PRIM2: variants seen among roughly 807,000 people sequenced by gnomAD.
PRIM2 encodes the protein DNA primase large subunit.
In PRIM2, 39 loss-of-function variants were observed where a neutral mutation model predicts 67.3. That is an observed-to-expected ratio of 0.58 (90% CI 0.45 to 0.76). The LOEUF is 0.76. PRIM2 is among the 30% of genes least tolerant of loss of function. The pLI is 0.00. For missense variants in PRIM2, 398 were observed against 598.7 expected (o/e 0.66, Z 3.50); for synonymous variants, 143 against 198.7 (o/e 0.72, Z 2.36).
chr6:57,263,344 G>T, the PRIM2 span, among the ~76,000 whole-genome samples: 1 of 152,166 alleles, frequency 6.6e-6, no homozygotes, highest in Non-Finnish European at 1.5e-5. Flanking sequence ...CATTGATAGA[G>T]CCATCCTCTC....
intron 10 of PRIM2, among the ~76,000 whole-genome samples, chr6:57,543,226 A>T (rs1775213300): frequency 2.6e-5 from 4 of 152,076 alleles, no homozygotes; most frequent in Admixed American, 2.6e-4. Flanking sequence ...GGCGTGAGCC[A>T]CCGCGCCCGG....
intron 7 of PRIM2, among the ~76,000 whole-genome samples, chr6:57,401,425 A>C (rs551923843): frequency 6.6e-6 from 1 of 152,244 alleles, no homozygotes; most frequent in East Asian, 1.9e-4. Flanking sequence ...GTGATGCGGT[A>C]GGTGACATTT....
At chr6:57,237,652 G>C in the PRIM2 span, among the ~76,000 whole-genome samples, 1 of 152,054 alleles carries the variant, frequency 6.6e-6, no homozygotes, top group Non-Finnish European at 1.5e-5. Flanking sequence ...AGTTTTCCCA[G>C]CACCATTTAT....
intron 7 of PRIM2, among the ~76,000 whole-genome samples, chr6:57,454,474 T>G (rs1485190960): frequency 2.6e-5 from 4 of 152,214 alleles, no homozygotes; most frequent in African/African-American, 4.8e-5. Context: ...GAGCCTGTTA[T>G]TGGTCTATTC....
intron 10 of PRIM2, among the ~76,000 whole-genome samples, chr6:57,574,175 A>G (rs1354581135): frequency 6.6e-6 from 1 of 152,198 alleles, no homozygotes; most frequent in African/African-American, 2.4e-5. Context: ...TAAGGTGCCA[A>G]TCCAGCTTGT....
intron 13 of PRIM2, among the ~76,000 whole-genome samples, chr6:57,642,432 T>C (rs1777255427): frequency 8.3e-6 from 1 of 120,864 alleles, no homozygotes; most frequent in Admixed American, 9.5e-5. Context: ...TTAAATATTA[T>C]ATCTTTTTTT....
intron 10 of PRIM2, among the ~76,000 whole-genome samples, chr6:57,583,181 AATTATT>A (rs1297699243): frequency 1.5e-5 from 2 of 130,688 alleles, no homozygotes; most frequent in African/African-American, 5.7e-5. Context: ...TTTTTTTTTA[AATTATT>A]ATTATTATAC....
At chr6:57,545,292 C>T (rs1468787964) in intron 10 of PRIM2, among the ~76,000 whole-genome samples, 1 of 151,946 alleles carries the variant, frequency 6.6e-6, no homozygotes, top group Non-Finnish European at 1.5e-5. Context: ...TAGATACATA[C>T]ATATGTACAT....
intron 8 of PRIM2, among the ~76,000 whole-genome samples, chr6:57,523,553 T>C (rs1774674928): frequency 6.6e-6 from 1 of 152,208 alleles, no homozygotes; most frequent in Admixed American, 6.5e-5. Flanking sequence ...AGAAAATGAC[T>C]GGAGTTGTAA....
upstream of PRIM2, among the ~76,000 whole-genome samples, chr6:57,316,435 G>T (rs113052194): frequency 3.5e-4 from 53 of 152,254 alleles, no homozygotes; most frequent in African/African-American, 1.1e-3. Flanking sequence ...GGGTCGGGGG[G>T]AATAACCTAT....
chr6:57,325,221 T>G (rs577147264), intron 4 of PRIM2, among the ~76,000 whole-genome samples: 1 of 152,280 alleles, frequency 6.6e-6, no homozygotes, highest in South Asian at 2.1e-4. Context: ...TGGTGTCTTT[T>G]ATTTGGCATT....
At chr6:57,551,649 A>G (rs1768496367) in intron 10 of PRIM2, among the ~76,000 whole-genome samples, 1 of 152,124 alleles carries the variant, frequency 6.6e-6, no homozygotes, top group East Asian at 1.9e-4. Flanking sequence ...TACTAGAGGT[A>G]TAGCAGCAGT....
chr6:57,554,785 T>G (rs1397160176), intron 10 of PRIM2, among the ~76,000 whole-genome samples: 2 of 152,262 alleles, frequency 1.3e-5, no homozygotes, highest in African/African-American at 4.8e-5. Flanking sequence ...CATGGTTTTT[T>G]CCTTCATATT....
the PRIM2 span, among the ~76,000 whole-genome samples, chr6:57,231,338 G>T: frequency 6.6e-6 from 1 of 152,130 alleles, no homozygotes; most frequent in Admixed American, 6.5e-5. Context: ...GGAGGGGAAA[G>T]GGATTACTTT....
chr6:57,288,950 G>A, the PRIM2 span, among the ~76,000 whole-genome samples: 1 of 152,150 alleles, frequency 6.6e-6, no homozygotes, highest in South Asian at 2.1e-4. Flanking sequence ...GATGGAGAAC[G>A]AGTTTGATGA....
chr6:57,457,705 A>G (rs1441095528), intron 7 of PRIM2, among the ~76,000 whole-genome samples: 1 of 152,094 alleles, frequency 6.6e-6, no homozygotes, highest in African/African-American at 2.4e-5. Context: ...TTTGACTAGG[A>G]AAGGGAATTC....
chr6:57,348,650 AACAGGTGTTTAGTAG>A (rs1342021026), intron 5 of PRIM2, among the ~76,000 whole-genome samples: 1 of 152,108 alleles, frequency 6.6e-6, no homozygotes, highest in African/African-American at 2.4e-5. Flanking sequence ...TGGCAAGTCC[AACAGGTGTTTAGTAG>A]ACAGGAGATG....
chr6:57,322,411 A>G (rs954034190), intron 3 of PRIM2, among the ~76,000 whole-genome samples: 1 of 152,112 alleles, frequency 6.6e-6, no homozygotes, highest in African/African-American at 2.4e-5. Context: ...AGTTCCCATA[A>G]TCCCCATGTG....
chr6:57,351,794 AAT>A (rs2127301167), intron 5 of PRIM2, among the ~76,000 whole-genome samples: 1 of 152,230 alleles, frequency 6.6e-6, no homozygotes, highest in Non-Finnish European at 1.5e-5. Flanking sequence ...ATATAATCAC[AAT>A]ATCACAGAAA....
Sources: allele counts gnomAD v4.1 joint callset (sites outside exome capture counted in the v4.1 genomes callset), GRCh38; gene constraint gnomAD v4.1.1; transcripts MANE v1.5; gene names NCBI Gene and HGNC (gene_info 2026-07-23, HGNC 2026-07-21).